Variants in ROBO1 observed in about 807,000 individuals in gnomAD.
ROBO1 encodes roundabout homolog 1.
ROBO1 carries 149 observed loss-of-function variants against 195.9 expected under a neutral mutation model. The observed-to-expected ratio is 0.76, with a 90% CI of 0.67 to 0.87. The LOEUF (loss-of-function observed/expected upper bound fraction) is 0.87, where lower values mean the gene tolerates loss of function less well. Ranked by LOEUF, ROBO1 falls within the 40% of genes least tolerant of loss-of-function variation. The pLI, the probability that ROBO1 is intolerant of heterozygous loss-of-function variation, is 0.00. For synonymous variants in ROBO1, 816 were observed against 733.2 expected, an observed-to-expected ratio of 1.11 and a Z score of -1.82; for missense variants, 1,933 against 2,068.3, an observed-to-expected ratio of 0.93 and a Z score of 1.27.
intron 4 of ROBO1, among the ~76,000 whole-genome samples, chr3:78,934,449 A>T (rs956926308): frequency 6.6e-6 from 1 of 151,982 alleles, no homozygotes; most frequent in African/African-American, 2.4e-5. Context: ...TACTTTTTTT[A>T]AAAGACAAAA....
rs1036661337 is a variant in ROBO1, at chr3:79,436,684, A to T, written c.88+153140T>A. On this transcript the variant is annotated intron_variant, in intron 2 of 30. Coordinates refer to ENST00000464233, the MANE Select transcript of ROBO1 (RefSeq NM_002941.4). ...TTTTTGATACAGTGTGAGATATTTT[A>T]AAAGAGTGTTTGAAGTGTTAAAGCT... Among the ~76,000 whole-genome samples the T allele has an allele frequency of 2.6e-5, 4 of 152,198 alleles. No individual in the cohort carries two copies. The East Asian group carries it at 7.7e-4, about 29-fold the overall frequency.
chr3:78,794,523 A>G (rs1312238041), intron 4 of ROBO1, among the ~76,000 whole-genome samples: 1 of 152,216 alleles, frequency 6.6e-6, no homozygotes, highest in African/African-American at 2.4e-5. Context: ...ACTAACAACC[A>G]GGATGTAGAG....
At chr3:79,559,451 T>C (rs1348940381) in intron 2 of ROBO1, among the ~76,000 whole-genome samples, 1 of 152,210 alleles carries the variant, frequency 6.6e-6, no homozygotes, top group Non-Finnish European at 1.5e-5. Context: ...TTAAATGCTC[T>C]TGGGCAAAGA....
At chr3:79,341,792 CTT>C (rs760333957) in intron 2 of ROBO1, among the ~76,000 whole-genome samples, 19 of 152,040 alleles carry the variant, frequency 1.2e-4, no homozygotes, top group Admixed American at 7.2e-4. Flanking sequence ...TAGAGTAAAT[CTT>C]TGTTTTCAAA....
intron 1 of ROBO1, among the ~76,000 whole-genome samples, chr3:79,688,275 G>A (rs545404293): frequency 4.0e-5 from 6 of 150,942 alleles, no homozygotes; most frequent in Admixed American, 2.6e-4. Flanking sequence ...TGTAAATGAC[G>A]AGTTAATGGG....
chr3:79,177,685 T>C (rs1180828019), intron 2 of ROBO1, among the ~76,000 whole-genome samples: 2 of 152,240 alleles, frequency 1.3e-5, no homozygotes, highest in African/African-American at 2.4e-5. Flanking sequence ...AAATTGAACA[T>C]GGCATAAGAG....
chr3:79,557,662 A>T (rs994811490), intron 2 of ROBO1, among the ~76,000 whole-genome samples: 1 of 150,946 alleles, frequency 6.6e-6, no homozygotes, highest in African/African-American at 2.4e-5. Context: ...TGACCCTAGA[A>T]GGTAGATGTT....
chr3:78,742,393 A>T (rs914992327), intron 5 of ROBO1, among the ~76,000 whole-genome samples: 3 of 146,546 alleles, frequency 2.0e-5, no homozygotes, highest in African/African-American at 5.1e-5. Context: ...TTTCACTATT[A>T]AAAAAAAAAC....
intron 4 of ROBO1, among the ~76,000 whole-genome samples, chr3:78,828,040 T>C (rs1174688895): frequency 2.0e-5 from 3 of 152,250 alleles, no homozygotes; most frequent in Non-Finnish European, 2.9e-5. Flanking sequence ...TATTAACATT[T>C]TAATGTATAC....
chr3:78,641,735 T>A (rs939763835), intron 21 of ROBO1, among the ~76,000 whole-genome samples: 1 of 152,198 alleles, frequency 6.6e-6, no homozygotes, highest in Non-Finnish European at 1.5e-5. Context: ...TTCCACAGAC[T>A]GACTTACATG....
At chr3:79,226,258 C>T (rs899994644) in intron 2 of ROBO1, among the ~76,000 whole-genome samples, 5 of 152,110 alleles carry the variant, frequency 3.3e-5, no homozygotes, top group Non-Finnish European at 5.9e-5. Context: ...CTTTCTTTAG[C>T]TTGCTCAGAA....
intron 4 of ROBO1, among the ~76,000 whole-genome samples, chr3:78,804,251 A>C (rs1467261735): frequency 1.3e-5 from 2 of 152,036 alleles, no homozygotes; most frequent in African/African-American, 2.4e-5. Flanking sequence ...TTTACTATTA[A>C]CTCCGTTCCA....
chr3:79,120,055 A>G (rs2080087087), intron 3 of ROBO1, among the ~76,000 whole-genome samples: 1 of 152,168 alleles, frequency 6.6e-6, no homozygotes, highest in Non-Finnish European at 1.5e-5. Flanking sequence ...TACAGGTGTG[A>G]GCCACCATGC....
At chr3:79,386,150 A>G (rs1455664068) in intron 2 of ROBO1, among the ~76,000 whole-genome samples, 1 of 152,168 alleles carries the variant, frequency 6.6e-6, no homozygotes, top group African/African-American at 2.4e-5. Context: ...ACCTGAGTGC[A>G]TTTTAATTAG....
intron 2 of ROBO1, among the ~76,000 whole-genome samples, chr3:79,258,644 C>T (rs1332415963): frequency 2.0e-5 from 3 of 152,130 alleles, no homozygotes; most frequent in Non-Finnish European, 4.4e-5. Context: ...AAATTAATCA[C>T]CACCTTGGCC....
In ROBO1 at chr3:79,723,051, A is replaced by G. The variant is rs1702771008; in HGVS notation, c.-51+44701T>C. Among the ~76,000 whole-genome samples the G allele has an allele frequency of 2.0e-5, 3 of 152,354 alleles. No homozygotes were observed. In the Middle Eastern group the frequency reaches 0.01, roughly 518 times the overall value. On this transcript the variant is annotated intron_variant, in intron 1 of 30. Coordinates refer to ENST00000464233, the MANE Select transcript of ROBO1 (RefSeq NM_002941.4). The stretch of plus-strand genomic sequence containing the variant: ...GTTTAAATAATTTTAACCATGAACC[A>G]TGGCTATTTTTGGTTAAATATAATT...
At chr3:79,181,925 CAAAA>C (rs151309857) in intron 2 of ROBO1, among the ~76,000 whole-genome samples, 1 of 87,638 alleles carries the variant, frequency 1.1e-5, no homozygotes, top group African/African-American at 3.6e-5. Flanking sequence ...GATCTTGTGC[CAAAA>C]AAAAAAAAAA....
At chr3:78,962,820 T>C (rs2041438682) in intron 3 of ROBO1, among the ~76,000 whole-genome samples, 1 of 70,138 alleles carries the variant, frequency 1.4e-5, no homozygotes, top group African/African-American at 8.3e-5. Flanking sequence ...TGAGACTCCA[T>C]CTCAAAAAAA....
chr3:78,787,574 A>G (rs2083875059), intron 4 of ROBO1, among the ~76,000 whole-genome samples: 2 of 152,230 alleles, frequency 1.3e-5, no homozygotes, highest in Admixed American at 1.3e-4. Context: ...TCAGTAAAAC[A>G]AGCTATCACC....
Sources: gnomAD v4.1 joint callset for allele counts (sites outside exome capture counted in the v4.1 genomes callset) on GRCh38, gnomAD v4.1.1 for gene constraint, MANE v1.5 for transcripts, NCBI Gene and HGNC (gene_info 2026-07-23, HGNC 2026-07-21) for gene names.